CYP24A1: variants seen among roughly 807,000 people sequenced by gnomAD.
CYP24A1 encodes the protein cytochrome P450 family 24 subfamily A member 1.
CYP24A1 carries 68 observed loss-of-function variants against 62.4 expected under a neutral mutation model. The ratio of observed to expected loss-of-function variants is 1.09; its 90% CI spans 0.90 to 1.33. The LOEUF (loss-of-function observed/expected upper bound fraction) is 1.33. Among genes scored for constraint, CYP24A1 ranks in the 40% most tolerant of loss-of-function variants. The pLI is 0.00. For missense variants in CYP24A1, 787 were observed against 653.0 expected (o/e 1.21, Z -2.24); for synonymous variants, 267 against 253.0 (o/e 1.06, Z -0.52).
At chr20:54,162,681 G>T in intron 7 of CYP24A1, 36 bp downstream of exon 7, 4 of 1,388,104 alleles carry the variant, frequency 2.9e-6, no homozygotes, top group Non-Finnish European at 4.1e-6. Flanking sequence ...GGTACAGACC[G>T]TTCATTTAGC....
At chr20:54,159,218 G>A (rs1348207332) in intron 7 of CYP24A1, 95 bp from the exon 8 acceptor site, 3 of 954,718 alleles carry the variant, frequency 3.1e-6, no homozygotes, top group Non-Finnish European at 3.4e-6. Flanking sequence ...ACCTTATTCT[G>A]CAAATGTATC....
intron 5 of CYP24A1, among the ~76,000 whole-genome samples, chr20:54,164,921 C>A (rs1299859112): frequency 6.6e-6 from 1 of 151,794 alleles, no homozygotes; most frequent in Non-Finnish European, 1.5e-5. Flanking sequence ...AAACCAATTT[C>A]ACAGCGTTTA....
chr20:54,149,213 C>A (rs1250689129), downstream of CYP24A1, among the ~76,000 whole-genome samples: 1 of 152,140 alleles, frequency 6.6e-6, no homozygotes, highest in Non-Finnish European at 1.5e-5. Context: ...AGGACTCGTG[C>A]CAAGTTGTAA....
chr20:54,164,657 C>G, intron 5 of CYP24A1, 94 bp from the exon 6 acceptor site: 1 of 1,604,648 alleles, frequency 6.2e-7, no homozygotes, highest in Non-Finnish European at 8.5e-7. Flanking sequence ...CCGCAGCACC[C>G]TGCACTTTTT....
intron 4 of CYP24A1, among the ~76,000 whole-genome samples, chr20:54,167,510 G>T (rs554350002): frequency 6.6e-6 from 1 of 152,116 alleles, no homozygotes; most frequent in Admixed American, 6.5e-5. Context: ...GGTATCGCAC[G>T]CCTGCAATAC....
At chr20:54,169,542 C>T (rs2092686413) in intron 4 of CYP24A1, 50 bp downstream of exon 4, 1 of 1,613,214 alleles carries the variant, frequency 6.2e-7, no homozygotes, top group South Asian at 1.1e-5. Context: ...CATGTTTTAT[C>T]CGCAAAATCA....
At position 54,157,569 on chromosome 20, in the gene CYP24A1, T is replaced by G. The variant is rs2092633910; in HGVS notation, c.1253A>C (p.Asn418Thr). Residue 418 changes from asparagine (N) to threonine (T), a missense_variant, in exon 10 of 12, where the codon AAT (asparagine) becomes ACT (threonine). Asn to Thr is a moderately conservative substitution (Grantham distance 65). Coordinates refer to ENST00000216862, the MANE Select transcript of CYP24A1 (RefSeq NM_000782.5). ...ALPKGTVLML[N>T]TQVLGSSEDN... ...TTCACTGGATCCCAACACCTGGGTA[T>G]TTAGCATGAGCACTGTCTAAACACA... 6.3e-7 allele frequency: 1 copy of G among 1,587,914 alleles called. No homozygotes were observed. Among genetic ancestry groups the G allele is most frequent in the Non-Finnish European group, 8.6e-7 (1 of 1,156,280 alleles).
intron 2 of CYP24A1, chr20:54,171,895 A>G (rs564235938): frequency 6.5e-5 from 73 of 1,122,594 alleles, no homozygotes; most frequent in South Asian, 1.8e-4. Context: ...CTCCTAGTCA[A>G]AGATTGCACC....
chr20:54,157,223 G>A lies in CYP24A1; in HGVS notation c.1501C>T (p.Leu501=), dbSNP rs751340102. ...ATGGGGAGTTCCCGGCTGGGCACCA[G>A]GGTGCCTGAGTGTAGCATCTCAACA... ...EPVEMLHSGT[L]VPSRELPIAF... is the part of the protein sequence containing the mutation. The change falls in exon 11 of 12, where the codon CTG becomes TTG. Residue 501 remains leucine, a synonymous_variant. Coordinates refer to ENST00000216862, the MANE Select transcript of CYP24A1 (RefSeq NM_000782.5). The A allele has an allele frequency of 5.0e-6, 8 of 1,613,026 alleles. No homozygotes were observed. In the South Asian group the frequency reaches 8.8e-5, roughly 18 times the overall value.
chr20:54,164,827 G>GA (rs1568970617), intron 5 of CYP24A1, among the ~76,000 whole-genome samples: 1 of 128,780 alleles, frequency 7.8e-6, no homozygotes, highest in African/African-American at 2.9e-5. Flanking sequence ...TGACCTAATT[G>GA]TAAAAAAAAA....
the CYP24A1 span, among the ~76,000 whole-genome samples, chr20:54,145,564 C>T: frequency 4.0e-5 from 6 of 149,886 alleles, no homozygotes; most frequent in East Asian, 2.0e-4. Flanking sequence ...CTCTTGTACC[C>T]GGGAGGCGGA....
intron 4 of CYP24A1, among the ~76,000 whole-genome samples, chr20:54,168,764 CTCCTTCCTTCCT>C (rs1214628691): frequency 8.2e-6 from 1 of 122,002 alleles, no homozygotes; most frequent in African/African-American, 3.2e-5. Flanking sequence ...CCTTCTCTCC[CTCCTTCCTTCCT>C]TCCCTCCCTC....
chr20:54,171,800 G>T, intron 2 of CYP24A1, 130 bp from the exon 3 acceptor site: 1 of 1,562,442 alleles, frequency 6.4e-7, no homozygotes, highest in Non-Finnish European at 8.7e-7. Flanking sequence ...GAAATAGCCA[G>T]AGAATATTAG....
At chr20:54,157,729 C>T in intron 9 of CYP24A1, 144 bp from the exon 10 acceptor site, 1 of 724,024 alleles carries the variant, frequency 1.4e-6, no homozygotes, top group Non-Finnish European at 2.5e-6. Flanking sequence ...GCGCTGAGTG[C>T]TTAAAATGTG....
At chr20:54,165,607 A>G (rs1194664240) in intron 5 of CYP24A1, 135 bp downstream of exon 5, 12 of 716,640 alleles carry the variant, frequency 1.7e-5, no homozygotes, top group Non-Finnish European at 1.2e-5. Flanking sequence ...TATATAATGC[A>G]CATTAAAATG....
intron 5 of CYP24A1, 121 bp downstream of exon 5, chr20:54,165,621 A>T: frequency 1.4e-6 from 1 of 740,030 alleles, no homozygotes; most frequent in Non-Finnish European, 2.4e-6. Context: ...TAAAATGAAC[A>T]CTTAACTATT....
At chr20:54,157,985 A>G (rs556720047) in intron 9 of CYP24A1, 101 bp downstream of exon 9, 18 of 1,559,048 alleles carry the variant, frequency 1.2e-5, no homozygotes, top group Non-Finnish European at 1.6e-5. Flanking sequence ...CATTCCCAAA[A>G]TGAATATTTT....
chr20:54,155,049 A>T (rs2092622644), intron 11 of CYP24A1: 1 of 151,628 alleles, frequency 6.6e-6, no homozygotes, highest in African/African-American at 2.4e-5. Flanking sequence ...CAAAGAAAAA[A>T]TGCTAAAACT....
At chr20:54,165,620 CA>C (rs2092668865) in intron 5 of CYP24A1, 121 bp downstream of exon 5, 5 of 737,476 alleles carry the variant, frequency 6.8e-6, no homozygotes, top group Non-Finnish European at 1.2e-5. Context: ...TTAAAATGAA[CA>C]CTTAACTATT....
Sources: gnomAD v4.1 joint callset for allele counts (sites outside exome capture counted in the v4.1 genomes callset) on GRCh38, gnomAD v4.1.1 for gene constraint, MANE v1.5 for transcripts, NCBI Gene and HGNC (gene_info 2026-07-23, HGNC 2026-07-21) for gene names.